SHOC2: variants seen among roughly 807,000 people sequenced by gnomAD.
SHOC2 encodes SHOC2 leucine rich repeat scaffold protein.
SHOC2 carries 4 observed loss-of-function variants against 50.2 expected under a neutral mutation model. The ratio of observed to expected loss-of-function variants is 0.08; its 90% CI spans 0.04 to 0.18. The LOEUF is 0.18. SHOC2 is among the 10% of genes least tolerant of loss of function. SHOC2 has a pLI of 1.00. For missense variants in SHOC2, 388 were observed against 669.6 expected (o/e 0.58, Z 4.64); for synonymous variants, 218 against 244.5 (o/e 0.89, Z 1.01).
intron 2 of SHOC2, among the ~76,000 whole-genome samples, chr10:110,980,520 G>A (rs1334064607): frequency 1.3e-5 from 2 of 151,970 alleles, no homozygotes; most frequent in Non-Finnish European, 2.9e-5. Flanking sequence ...TATTTCTCGT[G>A]GGCTAATTGC....
chr10:110,979,939 G>C (rs1847943283), intron 2 of SHOC2, among the ~76,000 whole-genome samples: 1 of 152,032 alleles, frequency 6.6e-6, no homozygotes, highest in Non-Finnish European at 1.5e-5. Flanking sequence ...ACAGGTACTG[G>C]GCCACCAACT....
At chr10:110,952,697 A>C (rs1847380024) in intron 1 of SHOC2, among the ~76,000 whole-genome samples, 1 of 151,992 alleles carries the variant, frequency 6.6e-6, no homozygotes, top group Non-Finnish European at 1.5e-5. Context: ...TGTTTGTCTT[A>C]ATGCCCTCCC....
chr10:110,994,314 TTTTACA>T (rs1848232106), intron 3 of SHOC2, among the ~76,000 whole-genome samples: 1 of 152,202 alleles, frequency 6.6e-6, no homozygotes, highest in African/African-American at 2.4e-5. Flanking sequence ...TCCCTCCCCA[TTTTACA>T]AGGATGTGAG....
intron 1 of SHOC2, among the ~76,000 whole-genome samples, chr10:110,957,854 C>T (rs2134112896): frequency 6.6e-6 from 1 of 152,312 alleles, no homozygotes; most frequent in South Asian, 2.1e-4. Context: ...CCTTTTACTT[C>T]TTTCATCAAC....
At chr10:110,925,837 C>G (rs906890726) in intron 1 of SHOC2, among the ~76,000 whole-genome samples, 1 of 152,208 alleles carries the variant, frequency 6.6e-6, no homozygotes, top group African/African-American at 2.4e-5. Context: ...CCATTCCCTG[C>G]AGAGTGCCAT....
intron 2 of SHOC2, among the ~76,000 whole-genome samples, chr10:110,975,393 C>T (rs915467527): frequency 2.0e-5 from 3 of 152,140 alleles, no homozygotes; most frequent in Admixed American, 6.5e-5. Flanking sequence ...CTGCCTGCCT[C>T]GGCCTCCCAA....
At chr10:110,921,071 C>G (rs186421347) in intron 1 of SHOC2, among the ~76,000 whole-genome samples, 272 of 152,318 alleles carry the variant, frequency 1.8e-3, no homozygotes, top group African/African-American at 6.4e-3. Context: ...AGTGTACTTA[C>G]TAATCTTTAC....
In SHOC2 at chr10:110,940,910, G is replaced by GGTTTTTTTT. The variant is rs1564705752; in HGVS notation, c.-235+21253_-235+21254insGTTTTTTTT. Among the ~76,000 whole-genome samples the GGTTTTTTTT allele has an allele frequency of 4.2e-5, 5 of 119,504 alleles. 2 individuals carry two copies. Among genetic ancestry groups the GGTTTTTTTT allele is most frequent in the Non-Finnish European group, 3.4e-5 (2 of 58,668 alleles). 78.4% of individuals were successfully genotyped at this position (119,504 alleles called of 152,430 possible). ...GACAAAATAGTGGTATTTGTGGTGG[G>GGTTTTTTTT]TTTTTTTTTTTTTTTTTTTTTTTTT... On this transcript the variant is annotated intron_variant, in intron 1 of 8. Coordinates refer to ENST00000369452, the MANE Select transcript of SHOC2 (RefSeq NM_007373.4).
intron 1 of SHOC2, among the ~76,000 whole-genome samples, chr10:110,937,883 G>C (rs1847060417): frequency 6.6e-6 from 1 of 152,202 alleles, no homozygotes; most frequent in African/African-American, 2.4e-5. Context: ...CATGAGACTA[G>C]AGACTAATGC....
At chr10:110,961,043 GT>G (rs1027801196) in intron 1 of SHOC2, among the ~76,000 whole-genome samples, 1 of 152,134 alleles carries the variant, frequency 6.6e-6, no homozygotes, top group Admixed American at 6.6e-5. Context: ...AACATATCAA[GT>G]GCTTCATATG....
At chr10:110,930,395 G>A (rs1416181221) in intron 1 of SHOC2, among the ~76,000 whole-genome samples, 1 of 152,126 alleles carries the variant, frequency 6.6e-6, no homozygotes. Flanking sequence ...GTGAGTAATG[G>A]AAAGGATTTA....
chr10:110,998,087 C>T (rs1043787420), intron 3 of SHOC2, among the ~76,000 whole-genome samples: 13 of 151,810 alleles, frequency 8.6e-5, no homozygotes, highest in African/African-American at 1.9e-4. Flanking sequence ...CAAACCTCCA[C>T]GTCCTGGGTT....
chr10:110,998,669 A>G (rs1848312947), intron 3 of SHOC2, among the ~76,000 whole-genome samples: 1 of 151,896 alleles, frequency 6.6e-6, no homozygotes, highest in Non-Finnish European at 1.5e-5. Context: ...GAATAGTTCT[A>G]ATTGGAAGAA....
rs941025142 is a variant in SHOC2, at chr10:110,964,616, C to A, written c.258C>A (p.Ser86Arg). ...CACCTGGGACTAGAAAAAAATCCAGCAATGCAGAGGTGATTAAAGAGCTCA... is the reference window on the plus strand; with the variant it reads ...CACCTGGGACTAGAAAAAAATCCAGAAATGCAGAGGTGATTAAAGAGCTCA... ...NPAPGTRKKS[S>R]NAEVIKELNK... The change falls in exon 2 of 9, where the codon AGC becomes AGA. Residue 86 changes from serine (S) to arginine (R), a missense_variant. This residue lies in a region of SHOC2 where 121 missense variants were observed against 145.5 expected (regional missense o/e 0.83). Coordinates refer to ENST00000369452, the MANE Select transcript of SHOC2 (RefSeq NM_007373.4). The surrounding 1 kb of genome is among the most constrained non-coding windows in gnomAD (Gnocchi z 4.9). 14 of 1,613,984 alleles carry A rather than the reference C, an allele frequency of 8.7e-6. No individual in the cohort carries two copies. Among genetic ancestry groups the A allele is most frequent in the Non-Finnish European group, 1.2e-5 (14 of 1,180,006 alleles).
intron 1 of SHOC2, among the ~76,000 whole-genome samples, chr10:110,938,358 G>T (rs1394070815): frequency 1.3e-5 from 2 of 152,044 alleles, no homozygotes; most frequent in Admixed American, 6.5e-5. Context: ...CAGCTTCACA[G>T]AAAATTTTAA....
chr10:111,009,643 T>A, intron 7 of SHOC2, 70 bp from the exon 8 acceptor site: 1 of 956,710 alleles, frequency 1.0e-6, no homozygotes, highest in Non-Finnish European at 1.7e-6. Flanking sequence ...TGTTTAGACA[T>A]ATTATTTTCA....
intron 3 of SHOC2, chr10:110,985,967 A>C: frequency 1.9e-6 from 1 of 536,172 alleles, no homozygotes; most frequent in Non-Finnish European, 3.3e-6. Context: ...AATGAGCCCA[A>C]TGGGATTATA....
chr10:110,964,600 C>T lies in SHOC2; in HGVS notation c.242C>T (p.Thr81Ile), dbSNP rs1359743107. The change falls in exon 2 of 9, where the codon ACT becomes ATT. Residue 81 changes from threonine to isoleucine, a missense_variant. This residue lies in a region of SHOC2 where 121 missense variants were observed against 145.5 expected (regional missense o/e 0.83). Transcript: ENST00000369452. The surrounding 1 kb of genome is among the most constrained non-coding windows in gnomAD (Gnocchi z 4.9). ...TIKRPNPAPG[T>I]RKKSSNAEVI... is the part of the protein sequence containing the mutation. ...AAACGGCCAAACCCAGCACCTGGGA[C>T]TAGAAAAAAATCCAGCAATGCAGAG... 1.2e-6 allele frequency: 2 copies of T among 1,614,010 alleles called. No individual in the cohort carries two copies. The highest frequency in any genetic ancestry group is 8.5e-7 in the Non-Finnish European group (1 of 1,179,984).
intron 1 of SHOC2, among the ~76,000 whole-genome samples, chr10:110,933,009 A>T (rs533143930): frequency 6.6e-6 from 1 of 152,344 alleles, no homozygotes; most frequent in Admixed American, 6.5e-5. Context: ...TGCCACTTGT[A>T]AAAACAGTTT....
Sources: allele counts gnomAD v4.1 joint callset (sites outside exome capture counted in the v4.1 genomes callset), GRCh38; gene constraint gnomAD v4.1.1; regional missense constraint gnomAD v4.1.1; non-coding constraint Gnocchi (gnomAD v3.1); transcripts MANE v1.5; gene names NCBI Gene and HGNC (gene_info 2026-07-23, HGNC 2026-07-21).